MYO9A: variants seen among roughly 807,000 people sequenced by gnomAD.
The protein encoded by MYO9A is unconventional myosin-IXa.
A neutral mutation model predicts 293.3 loss-of-function variants in MYO9A; 103 were observed. The ratio of observed to expected loss-of-function variants is 0.35; its 90% CI spans 0.30 to 0.41. The LOEUF (loss-of-function observed/expected upper bound fraction) is 0.41, where lower values mean the gene tolerates loss of function less well. Ranked by LOEUF, MYO9A falls within the 10% of genes least tolerant of loss-of-function variation. The probability of loss-of-function intolerance (pLI) is 1.00; values close to 1 mark genes in which losing one functional copy is unlikely to be tolerated. For missense variants in MYO9A, 2,685 were observed against 3,033.0 expected, an observed-to-expected ratio of 0.89 and a Z score of 2.69; for synonymous variants, 1,001 against 1,035.7, an observed-to-expected ratio of 0.97 and a Z score of 0.64.
At chr15:72,019,187 T>C in intron 5 of MYO9A, 92 bp from the exon 6 acceptor site, 1 of 1,042,478 alleles carries the variant, frequency 9.6e-7, no homozygotes, top group Non-Finnish European at 1.5e-6. Context: ...GTACTGCTGC[T>C]CTCCATTGAA....
At chr15:71,867,731 A>G (rs2056378495) in intron 32 of MYO9A, among the ~76,000 whole-genome samples, 1 of 151,934 alleles carries the variant, frequency 6.6e-6, no homozygotes, top group South Asian at 2.1e-4. Context: ...AGAGAAATGA[A>G]GCAATATTTA....
rs745389071 is a variant in MYO9A, at chr15:71,897,753, G to A, written c.4750C>T (p.Leu1584Phe). Reference protein sequence around the residue: ...LGSLSLKDAALAQKDSSSAHL... With the variant: ...LGSLSLKDAAFAQKDSSSAHL... ...GCAGAGGAACTGTCTTTTTGGGCAA[G>A]AGCTGCATCTTTTAATGATAGGGAC... The change falls in exon 25 of 42, where the codon CTT (leucine) becomes TTT (phenylalanine). Residue 1584 changes from leucine to phenylalanine, a missense_variant. Coordinates refer to ENST00000356056, the MANE Select transcript of MYO9A (RefSeq NM_006901.4). 1 of 1,614,052 alleles carries A rather than the reference G, an allele frequency of 6.2e-7. No homozygotes were observed. Among genetic ancestry groups the A allele is most frequent in the Non-Finnish European group, 8.5e-7 (1 of 1,180,004 alleles).
At chr15:72,086,139 G>T (rs142352724) in intron 1 of MYO9A, among the ~76,000 whole-genome samples, 1 of 152,184 alleles carries the variant, frequency 6.6e-6, no homozygotes, top group African/African-American at 2.4e-5. Context: ...AGCACAGAGG[G>T]GTGCACACTT....
intron 18 of MYO9A, among the ~76,000 whole-genome samples, chr15:71,919,202 C>T (rs769731987): frequency 3.9e-5 from 6 of 152,122 alleles, no homozygotes; most frequent in South Asian, 2.1e-4. Context: ...AATCCGAGAA[C>T]GGCTGAGGCA....
intron 13 of MYO9A, among the ~76,000 whole-genome samples, chr15:71,964,114 T>C (rs1785857251): frequency 6.6e-6 from 1 of 152,166 alleles, no homozygotes; most frequent in South Asian, 2.1e-4. Flanking sequence ...GTAAAGTTCT[T>C]TTTTCATTCC....
intron 6 of MYO9A, among the ~76,000 whole-genome samples, chr15:72,018,477 A>T (rs572897866): frequency 3.6e-4 from 55 of 152,158 alleles, no homozygotes; most frequent in East Asian, 2.1e-3. Flanking sequence ...ATAAATATTT[A>T]AAAAAAACCT....
chr15:72,109,398 A>G (rs2080695640), intron 1 of MYO9A, among the ~76,000 whole-genome samples: 1 of 151,676 alleles, frequency 6.6e-6, no homozygotes, highest in Admixed American at 6.6e-5. Flanking sequence ...TAAAAAAAAA[A>G]AAAAAATACA....
intron 8 of MYO9A, among the ~76,000 whole-genome samples, chr15:72,007,336 T>C (rs1039699782): frequency 2.0e-5 from 3 of 151,442 alleles, no homozygotes; most frequent in African/African-American, 7.3e-5. Flanking sequence ...AGGCCCTTGA[T>C]GTAAGAAGAA....
intron 11 of MYO9A, among the ~76,000 whole-genome samples, chr15:71,979,668 G>C (rs2076224585): frequency 6.6e-6 from 1 of 152,116 alleles, no homozygotes; most frequent in South Asian, 2.1e-4. Context: ...ATTGTCTATG[G>C]CTACTTTGTC....
intron 26 of MYO9A, 49 bp downstream of exon 26, chr15:71,893,630 G>A (rs1009752935): frequency 1.4e-6 from 2 of 1,415,018 alleles, no homozygotes; most frequent in Non-Finnish European, 2.0e-6. Context: ...CCAAAATAAT[G>A]TACATCTCTT....
intron 32 of MYO9A, among the ~76,000 whole-genome samples, chr15:71,874,396 T>G (rs147951192): frequency 1.5e-3 from 225 of 152,156 alleles, no homozygotes; most frequent in African/African-American, 4.7e-3. Flanking sequence ...TGGGAAGTGA[T>G]GGCAGCAAAT....
Position 71,898,046 on chromosome 15 carries a change from A to T in MYO9A, c.4457T>A (p.Val1486Glu). The T allele has an allele frequency of 6.2e-7, 1 of 1,614,142 alleles. No individual in the cohort carries two copies. The highest frequency in any genetic ancestry group is 8.5e-7 in the Non-Finnish European group (1 of 1,180,038). ...GTTTAGCTTTTCTAACTTCTTAAGC[A>T]CAGGATTAGAAGACTCTGTATTCAA... ...PSLNTESSNP[V>E]LKKLEKLNTE... Residue 1486 changes from valine to glutamate, a missense_variant, in exon 25 of 42, where the codon GTG (valine) becomes GAG (glutamate). By Grantham distance (121) the Val-to-Glu change is moderately radical (BLOSUM62 -2). This residue lies in a region of MYO9A where 1,434 missense variants were observed against 1,497.7 expected (regional missense o/e 0.96). Coordinates refer to ENST00000356056, the MANE Select transcript of MYO9A (RefSeq NM_006901.4).
At chr15:71,990,569 C>T (rs1596331263) in intron 11 of MYO9A, among the ~76,000 whole-genome samples, 2 of 152,102 alleles carry the variant, frequency 1.3e-5, no homozygotes, top group African/African-American at 4.8e-5. Context: ...TCCTGGCTAA[C>T]ACAGTGAAAC....
At chr15:71,926,984 C>A (rs1307836675) in intron 18 of MYO9A, among the ~76,000 whole-genome samples, 1 of 151,974 alleles carries the variant, frequency 6.6e-6, no homozygotes, top group African/African-American at 2.4e-5. Flanking sequence ...GGTGGGCTGG[C>A]CCTCAGGACC....
At chr15:71,929,576 G>A (rs2058420883) in intron 18 of MYO9A, among the ~76,000 whole-genome samples, 1 of 152,142 alleles carries the variant, frequency 6.6e-6, no homozygotes, top group Non-Finnish European at 1.5e-5. Context: ...GTGTTAATAT[G>A]ATAAATCACA....
intron 1 of MYO9A, among the ~76,000 whole-genome samples, chr15:72,061,458 T>C (rs956866978): frequency 1.3e-4 from 20 of 150,588 alleles, no homozygotes; most frequent in Admixed American, 9.3e-4. Context: ...AGGGAACCCA[T>C]TGCTCTGAAG....
intron 3 of MYO9A, 58 bp downstream of exon 3, chr15:72,032,436 T>C: frequency 8.8e-7 from 1 of 1,132,022 alleles, no homozygotes; most frequent in Non-Finnish European, 1.3e-6. Context: ...TATAAAAGGG[T>C]AAAGACAAAA....
intron 4 of MYO9A, among the ~76,000 whole-genome samples, chr15:72,021,718 G>T (rs1390417687): frequency 6.6e-6 from 1 of 152,120 alleles, no homozygotes; most frequent in East Asian, 1.9e-4. Flanking sequence ...CAAACAATAG[G>T]CTAACCAAGA....
intron 15 of MYO9A, among the ~76,000 whole-genome samples, chr15:71,951,126 C>A (rs2059039950): frequency 6.6e-6 from 1 of 152,150 alleles, no homozygotes; most frequent in East Asian, 1.9e-4. Flanking sequence ...CAAGCCAAAA[C>A]ATTAATGCGG....
Sources: allele counts gnomAD v4.1 joint callset (sites outside exome capture counted in the v4.1 genomes callset), GRCh38; gene constraint gnomAD v4.1.1; regional missense constraint gnomAD v4.1.1; transcripts MANE v1.5; gene names NCBI Gene and HGNC (gene_info 2026-07-23, HGNC 2026-07-21).